IPPK: variants seen among roughly 807,000 people sequenced by gnomAD.
IPPK encodes inositol-pentakisphosphate 2-kinase, also known as IPK1 homolog.
A neutral mutation model predicts 64.6 loss-of-function variants in IPPK; 22 were observed. The observed-to-expected ratio is 0.34, with a 90% CI of 0.24 to 0.49. The LOEUF (loss-of-function observed/expected upper bound fraction) is 0.49, where lower values mean the gene tolerates loss of function less well. Ranked by LOEUF, IPPK falls within the 20% of genes least tolerant of loss-of-function variation. The pLI is 0.99. For synonymous variants in IPPK, 262 were observed against 247.2 expected (o/e 1.06, Z -0.56); for missense variants, 532 against 630.7 (o/e 0.84, Z 1.68).
chr9:92,670,028 G>C lies in IPPK; in HGVS notation c.-40C>G. On this transcript the variant is annotated 5_prime_UTR_variant, in exon 1 of 13. Coordinates refer to ENST00000287996, the MANE Select transcript of IPPK (RefSeq NM_022755.6). ...CTGGCGCCTCGCGGGCTAGGACTCG[G>C]GGACGCGAGCTGGGGGCCGCCCGCC... The C allele has an allele frequency of 1.3e-6, 2 of 1,495,722 alleles. No homozygotes were observed. Among genetic ancestry groups the C allele is most frequent in the Non-Finnish European group, 1.8e-6 (2 of 1,096,708 alleles). The allele number at this position is 1,495,722 out of a possible 1,614,324, so 92.7% of individuals were successfully genotyped here.
chr9:92,668,784 T>C (rs974542470), intron 1 of IPPK, among the ~76,000 whole-genome samples: 1 of 152,204 alleles, frequency 6.6e-6, no homozygotes, highest in Admixed American at 6.5e-5. Flanking sequence ...TTTAGTTCCC[T>C]GTGCTAATGA....
At chr9:92,645,945 C>A in intron 6 of IPPK, among the ~76,000 whole-genome samples, 1 of 151,624 alleles carries the variant, frequency 6.6e-6, no homozygotes, top group Admixed American at 6.6e-5. Context: ...GTAAAGGTAA[C>A]TACATAGGCA....
chr9:92,626,930 A>C (rs1037899792), intron 11 of IPPK, among the ~76,000 whole-genome samples: 1 of 151,878 alleles, frequency 6.6e-6, no homozygotes, highest in Non-Finnish European at 1.5e-5. Flanking sequence ...AAAAAAAAAA[A>C]CAGAAATGAA....
intron 3 of IPPK, among the ~76,000 whole-genome samples, chr9:92,655,971 A>C (rs888612074): frequency 2.6e-5 from 4 of 152,162 alleles, no homozygotes; most frequent in Admixed American, 2.6e-4. Context: ...CACAGACCCC[A>C]GCACAGGCGG....
Position 92,670,043 on chromosome 9 carries a change from G to C in IPPK, c.-55C>G. ...CTAGGACTCGGGGACGCGAGCTGGG[G>C]GCCGCCCGCCTCGCTGGGAACCAGC... On this transcript the variant is annotated 5_prime_UTR_variant, in exon 1 of 13. Coordinates refer to ENST00000287996, the MANE Select transcript of IPPK (RefSeq NM_022755.6). 1 of 1,345,916 alleles carries C rather than the reference G, an allele frequency of 7.4e-7. No individual in the cohort carries two copies. Among genetic ancestry groups the C allele is most frequent in the Non-Finnish European group, 1.0e-6 (1 of 972,044 alleles). The allele number at this position is 1,345,916 out of a possible 1,614,324, so 83.4% of individuals were successfully genotyped here. A position where few individuals can be genotyped will look rare whatever the true frequency, so the allele number is the denominator to read the frequency against.
intron 9 of IPPK, among the ~76,000 whole-genome samples, chr9:92,636,320 C>T (rs1316918298): frequency 6.6e-6 from 1 of 152,150 alleles, no homozygotes; most frequent in East Asian, 1.9e-4. Flanking sequence ...ACAGCAGATC[C>T]ATGCATGGTC....
At chr9:92,661,433 C>A (rs990343080) in intron 1 of IPPK, among the ~76,000 whole-genome samples, 44 of 152,200 alleles carry the variant, frequency 2.9e-4, no homozygotes, top group African/African-American at 9.7e-4. Context: ...GGGTACTGTG[C>A]TGCCCCCCAG....
At chr9:92,622,741 T>C (rs1023528049) in intron 11 of IPPK, among the ~76,000 whole-genome samples, 1 of 152,136 alleles carries the variant, frequency 6.6e-6, no homozygotes, top group Non-Finnish European at 1.5e-5. Context: ...TTTTGTGGGA[T>C]AGCAGTTTTG....
intron 1 of IPPK, among the ~76,000 whole-genome samples, chr9:92,660,093 G>A (rs776065422): frequency 1.3e-5 from 2 of 152,090 alleles, no homozygotes; most frequent in African/African-American, 4.8e-5. Flanking sequence ...GAAGTTGATC[G>A]ACAGAAGTCC....
intron 1 of IPPK, among the ~76,000 whole-genome samples, chr9:92,661,997 CAAT>C (rs890281095): frequency 1.3e-5 from 2 of 152,194 alleles, no homozygotes; most frequent in African/African-American, 4.8e-5. Context: ...CAGAAAGACA[CAAT>C]GAGTCCAAGG....
Position 92,613,671 on chromosome 9 carries a change from T to C in IPPK, c.*2161A>G. ...ACCGTGAGGCAGTCTCAGCAAGTCC[T>C]CATGCTGTTCTTGGTCTTCCACAAG... On this transcript the variant is annotated 3_prime_UTR_variant, in exon 13 of 13. Coordinates refer to ENST00000287996, the MANE Select transcript of IPPK (RefSeq NM_022755.6). 6.3e-6 allele frequency: 1 copy of C among 158,204 alleles called. No individual in the cohort carries two copies. The highest frequency in any genetic ancestry group is 1.4e-5 in the Non-Finnish European group (1 of 71,288). The allele number at this position is 158,204 out of a possible 1,614,324, so 9.8% of individuals were successfully genotyped here.
chr9:92,667,065 C>T (rs1002740108), intron 1 of IPPK, among the ~76,000 whole-genome samples: 2 of 152,224 alleles, frequency 1.3e-5, no homozygotes, highest in African/African-American at 4.8e-5. Flanking sequence ...GCATCATGTT[C>T]TCATGGTAGA....
intron 1 of IPPK, among the ~76,000 whole-genome samples, chr9:92,667,991 C>T (rs569895876): frequency 9.9e-5 from 15 of 151,288 alleles, no homozygotes; most frequent in African/African-American, 3.6e-4. Context: ...AACAATCAAC[C>T]TGGCGTGGTG....
At chr9:92,668,750 G>C (rs552689617) in intron 1 of IPPK, among the ~76,000 whole-genome samples, 1 of 152,274 alleles carries the variant, frequency 6.6e-6, no homozygotes, top group South Asian at 2.1e-4. Flanking sequence ...TAAAGATCTT[G>C]AGCAAAGCTT....
chr9:92,669,831 G>A (rs1193978578), intron 1 of IPPK, 77 bp downstream of exon 1: 9 of 1,129,856 alleles, frequency 8.0e-6, no homozygotes, highest in Non-Finnish European at 1.2e-5. Flanking sequence ...CCCTGTTGAG[G>A]AAACGGATAA....
chr9:92,662,147 T>C (rs1852497677), intron 1 of IPPK, among the ~76,000 whole-genome samples: 1 of 152,210 alleles, frequency 6.6e-6, no homozygotes, highest in Non-Finnish European at 1.5e-5. Context: ...ATGGAGATAA[T>C]GACACTACTC....
intron 11 of IPPK, among the ~76,000 whole-genome samples, chr9:92,629,030 G>A (rs1172747825): frequency 6.6e-6 from 1 of 152,180 alleles, no homozygotes; most frequent in African/African-American, 2.4e-5. Flanking sequence ...TGAAGCTGCA[G>A]TGAGCTACGA....
rs768682358 is a variant in IPPK at position 92,619,548 on chromosome 9, G to A, written c.1188C>T (p.Val396=). 1.3e-5 allele frequency: 20 copies of A among 1,587,574 alleles called. No individual in the cohort carries two copies. In the African/African-American group the frequency reaches 1.9e-4, roughly 15 times the overall value. Residue 396 remains valine (V), a synonymous_variant, in exon 12 of 13, where the codon GTC becomes GTT. Coordinates refer to ENST00000287996, the MANE Select transcript of IPPK (RefSeq NM_022755.6). ...TGGAGCAGTCCTTGGCAGTCATGGC[G>A]ACGCGGTACTGCTGCACCTGCAGGG... ...FALTKVQQYR[V]AMTAKDCSIM... is the part of the protein sequence containing the mutation.
intron 3 of IPPK, among the ~76,000 whole-genome samples, chr9:92,654,884 C>T (rs1171385585): frequency 1.3e-5 from 2 of 152,266 alleles, no homozygotes; most frequent in East Asian, 1.9e-4. Flanking sequence ...GAGGTTCCAA[C>T]GGAGCTGAGG....
Sources: gnomAD v4.1 joint callset for allele counts (sites outside exome capture counted in the v4.1 genomes callset) on GRCh38, gnomAD v4.1.1 for gene constraint, MANE v1.5 for transcripts, NCBI Gene and HGNC (gene_info 2026-07-23, HGNC 2026-07-21) for gene names.